PHACTR1: variants seen among roughly 807,000 people sequenced by gnomAD.
PHACTR1 encodes the protein RPEL repeat containing 1.
Under a neutral mutation model 69.2 loss-of-function variants are expected in PHACTR1, and 16 were observed. The observed-to-expected ratio is 0.23, with a 90% CI of 0.16 to 0.35. The LOEUF is 0.35. Ranked by LOEUF, PHACTR1 falls within the 10% of genes least tolerant of loss-of-function variation. The pLI is 1.00. For missense variants in PHACTR1, 510 were observed against 734.7 expected (o/e 0.69, Z 3.54); for synonymous variants, 312 against 284.5 (o/e 1.10, Z -0.97).
chr6:12,995,875 CTATT>C (rs1797363459), intron 4 of PHACTR1, among the ~76,000 whole-genome samples: 1 of 151,858 alleles, frequency 6.6e-6, no homozygotes, highest in Admixed American at 6.5e-5. Context: ...ACAACTCAAA[CTATT>C]AATATACAAA....
At chr6:12,928,719 C>T (rs2127524927) in intron 4 of PHACTR1, among the ~76,000 whole-genome samples, 1 of 149,186 alleles carries the variant, frequency 6.7e-6, no homozygotes, top group South Asian at 2.1e-4. Context: ...AATTAAAGCT[C>T]TACTCATATT....
intron 6 of PHACTR1, among the ~76,000 whole-genome samples, chr6:13,160,966 A>G (rs1758904891): frequency 6.6e-6 from 1 of 152,022 alleles, no homozygotes; most frequent in African/African-American, 2.4e-5. Context: ...TAAGAGCTTT[A>G]TGGTATTTTA....
intron 4 of PHACTR1, among the ~76,000 whole-genome samples, chr6:12,831,013 C>T (rs1410985624): frequency 6.6e-6 from 1 of 152,140 alleles, no homozygotes; most frequent in African/African-American, 2.4e-5. Context: ...TAACTATCAA[C>T]TGAACTGTGT....
At chr6:12,875,153 C>T (rs1782405784) in intron 4 of PHACTR1, among the ~76,000 whole-genome samples, 1 of 152,178 alleles carries the variant, frequency 6.6e-6, no homozygotes, top group African/African-American at 2.4e-5. Flanking sequence ...CACCAAATGA[C>T]TCAGAAACAT....
At position 13,245,570 on chromosome 6, in the gene PHACTR1, G is replaced by T. The variant is rs958929578; in HGVS notation, c.1391+15377G>T. Reference sequence around the variant, plus strand: ...GCTGGATATTAGACCTTTGTTGGACGTATAGTTTGCAAATATTTTCTCCCA... The same window carrying T: ...GCTGGATATTAGACCTTTGTTGGACTTATAGTTTGCAAATATTTTCTCCCA... On this transcript the variant is annotated intron_variant, in intron 10 of 14. Transcript: ENST00000332995. This position sits in a 1 kb window ranked among gnomAD's most constrained non-coding sequence, Gnocchi z 4.1. Among the ~76,000 whole-genome samples, 1 of 152,068 alleles carries T rather than the reference G, an allele frequency of 6.6e-6. No individual in the cohort carries two copies. Among genetic ancestry groups the T allele is most frequent in the Non-Finnish European group, 1.5e-5 (1 of 68,024 alleles).
chr6:13,049,942 A>C (rs1583133884), intron 4 of PHACTR1, among the ~76,000 whole-genome samples: 1 of 149,642 alleles, frequency 6.7e-6, no homozygotes, highest in African/African-American at 2.5e-5. Flanking sequence ...AGGTTTGGAG[A>C]CTTGTAAAAT....
rs780332849 is a variant in PHACTR1 at position 13,182,648 on chromosome 6, A to G, written c.626A>G (p.Tyr209Cys). The G allele has an allele frequency of 3.1e-6, 5 of 1,596,188 alleles. No individual in the cohort carries two copies. Among genetic ancestry groups the G allele is most frequent in the South Asian group, 2.3e-5 (2 of 88,412 alleles). The change falls in exon 7 of 15, where the codon TAT (tyrosine) becomes TGT (cysteine). Residue 209 changes from tyrosine (Y) to cysteine (C), a missense_variant. This residue lies in a region of PHACTR1 where 419 missense variants were observed against 530.9 expected (regional missense o/e 0.79). Transcript: ENST00000332995. ...CCAATGCCCAGGGATCCCTGCTCAT[A>G]TGAGGTGCTCCAACCGTCAGACATC... is the stretch of plus-strand genomic sequence containing the variant. ...PVPMPRDPCS[Y>C]EVLQPSDIMD...
At chr6:13,018,150 T>C (rs1385695584) in intron 4 of PHACTR1, among the ~76,000 whole-genome samples, 1 of 152,198 alleles carries the variant, frequency 6.6e-6, no homozygotes, top group Non-Finnish European at 1.5e-5. Context: ...AGTTCATCCA[T>C]TGAGACAGCC....
intron 4 of PHACTR1, among the ~76,000 whole-genome samples, chr6:12,846,987 G>GT (rs71707620): frequency 0.29 from 43,137 of 147,154 alleles, 6,599 homozygotes; most frequent in African/African-American, 0.4. Flanking sequence ...TTTTTTCTTT[G>GT]TTTTTTTTTT....
chr6:13,057,069 G>A lies in PHACTR1; in HGVS notation c.415+3540G>A, dbSNP rs114352065. Among the ~76,000 whole-genome samples, 558 of 152,228 alleles carry A rather than the reference G, an allele frequency of 3.7e-3. 3 individuals are homozygous for A. Among genetic ancestry groups the A allele is most frequent in the Middle Eastern group, 0.01 (3 of 294 alleles). ...ACTACAGTTAGATAGAAGGAATAAA[G>A]TATAATATTTGATAATAGCGTAGAC... On this transcript the variant is annotated intron_variant, in intron 5 of 14. Transcript: ENST00000332995.
At chr6:12,852,373 C>G (rs867393183) in intron 4 of PHACTR1, among the ~76,000 whole-genome samples, 1 of 152,172 alleles carries the variant, frequency 6.6e-6, no homozygotes, top group Middle Eastern at 3.4e-3. Context: ...TCAGAAGAAT[C>G]CAACTTAAGA....
intron 11 of PHACTR1, among the ~76,000 whole-genome samples, chr6:13,276,323 C>G (rs1157483422): frequency 6.6e-6 from 1 of 152,224 alleles, no homozygotes; most frequent in Non-Finnish European, 1.5e-5. Context: ...GGGGCCAAAT[C>G]AGGCCCGTGG....
At chr6:12,749,394 G>C (rs1038191872) in intron 3 of PHACTR1, 3 of 567,866 alleles carry the variant, frequency 5.3e-6, no homozygotes, top group Non-Finnish European at 1.0e-5. Flanking sequence ...GGGATAGCCT[G>C]ATCTCTGCTC....
At chr6:12,773,566 T>C (rs1005187647) in intron 4 of PHACTR1, among the ~76,000 whole-genome samples, 4 of 152,186 alleles carry the variant, frequency 2.6e-5, no homozygotes, top group Non-Finnish European at 4.4e-5. Flanking sequence ...CTATCCCCAA[T>C]AATCATATGT....
At chr6:12,969,786 AC>A (rs1793956589) in intron 4 of PHACTR1, among the ~76,000 whole-genome samples, 1 of 152,058 alleles carries the variant, frequency 6.6e-6, no homozygotes, top group Non-Finnish European at 1.5e-5. Context: ...ACATGGTGAA[AC>A]CCCATCTCTA....
Position 13,112,598 on chromosome 6 carries a change from G to T in PHACTR1, c.416-47606G>T, listed in dbSNP as rs150516905. The stretch of plus-strand genomic sequence containing the variant: ...GACTGGTGTCAGATGGTATCTCATT[G>T]TGGTTTTGATTTGCATTTCTCTAAT... On this transcript the variant is annotated intron_variant, in intron 5 of 14. Transcript: ENST00000332995. Among the ~76,000 whole-genome samples, 959 of 152,300 alleles carry T rather than the reference G, an allele frequency of 6.3e-3. 7 individuals are homozygous for T. Among genetic ancestry groups the T allele is most frequent in the African/African-American group, 0.021 (865 of 41,576 alleles).
chr6:13,257,299 C>T (rs1312788492), intron 10 of PHACTR1, among the ~76,000 whole-genome samples: 1 of 152,152 alleles, frequency 6.6e-6, no homozygotes, highest in South Asian at 2.1e-4. Flanking sequence ...TGAGAAACCA[C>T]CCCCATGATC....
intron 10 of PHACTR1, among the ~76,000 whole-genome samples, chr6:13,257,201 G>C (rs1433237920): frequency 6.6e-6 from 1 of 151,960 alleles, no homozygotes; most frequent in Non-Finnish European, 1.5e-5. Context: ...AGAGGAGGAG[G>C]TGCCACACAC....
At chr6:12,966,988 T>C (rs572225982) in intron 4 of PHACTR1, among the ~76,000 whole-genome samples, 16 of 152,348 alleles carry the variant, frequency 1.1e-4, no homozygotes, top group African/African-American at 3.8e-4. Flanking sequence ...GAATTATCTC[T>C]GAACCTTTTT....
Sources: gnomAD v4.1 joint callset for allele counts (sites outside exome capture counted in the v4.1 genomes callset) on GRCh38, gnomAD v4.1.1 for gene constraint, gnomAD v4.1.1 regional missense constraint, Gnocchi (gnomAD v3.1) non-coding constraint, MANE v1.5 for transcripts, NCBI Gene and HGNC (gene_info 2026-07-23, HGNC 2026-07-21) for gene names.